ST6GALNAC3: variants seen among roughly 807,000 people sequenced by gnomAD.
ST6GALNAC3 encodes ST6 N-acetylgalactosaminide alpha-2,6-sialyltransferase 3, also known as alpha-N-acetylgalactosaminide alpha-2,6-sialyltransferase 3.
ST6GALNAC3 carries 25 observed loss-of-function variants against 32.7 expected under a neutral mutation model. The ratio of observed to expected loss-of-function variants is 0.76; its 90% CI spans 0.56 to 1.07. The LOEUF (loss-of-function observed/expected upper bound fraction) is 1.07, where lower values mean the gene tolerates loss of function less well. Among genes scored for constraint, ST6GALNAC3 ranks in the 50% least tolerant of loss-of-function variants. ST6GALNAC3 has a pLI of 0.00. For missense variants in ST6GALNAC3, 355 were observed against 382.4 expected, an observed-to-expected ratio of 0.93 and a Z score of 0.60; for synonymous variants, 129 against 133.1, an observed-to-expected ratio of 0.97 and a Z score of 0.21.
intron 1 of ST6GALNAC3, among the ~76,000 whole-genome samples, chr1:76,098,635 A>AG (rs946815527): frequency 3.3e-5 from 5 of 151,962 alleles, no homozygotes; most frequent in African/African-American, 9.7e-5. Context: ...TTTACCTTTT[A>AG]GGGGGGTAGG....
intron 1 of ST6GALNAC3, among the ~76,000 whole-genome samples, chr1:76,084,689 T>C (rs796489836): frequency 6.6e-6 from 1 of 152,234 alleles, no homozygotes; most frequent in South Asian, 2.1e-4. Context: ...ATATGGCCAA[T>C]GGTGCTTAGA....
intron 3 of ST6GALNAC3, among the ~76,000 whole-genome samples, chr1:76,620,662 A>G (rs1042327537): frequency 6.6e-6 from 1 of 151,908 alleles, no homozygotes; most frequent in African/African-American, 2.4e-5. Flanking sequence ...TCATATGACA[A>G]CTCACCCTGC....
chr1:76,093,310 G>A (rs1035092985), intron 1 of ST6GALNAC3, among the ~76,000 whole-genome samples: 2 of 152,276 alleles, frequency 1.3e-5, no homozygotes, highest in South Asian at 2.1e-4. Flanking sequence ...TAATTACCAC[G>A]TACAATTTTA....
intron 3 of ST6GALNAC3, among the ~76,000 whole-genome samples, chr1:76,520,964 G>A (rs1430008257): frequency 6.7e-6 from 1 of 150,258 alleles, no homozygotes; most frequent in African/African-American, 2.4e-5. Context: ...TTATTATTTA[G>A]CCTACCTGAT....
At chr1:76,524,068 A>C (rs548322366) in intron 3 of ST6GALNAC3, among the ~76,000 whole-genome samples, 9 of 152,134 alleles carry the variant, frequency 5.9e-5, no homozygotes, top group Non-Finnish European at 8.8e-5. Flanking sequence ...ACCTTTAAAC[A>C]GATGATTTTT....
intron 1 of ST6GALNAC3, among the ~76,000 whole-genome samples, chr1:76,229,266 G>A (rs2100632051): frequency 1.3e-5 from 2 of 152,188 alleles, no homozygotes; most frequent in Middle Eastern, 3.4e-3. Flanking sequence ...GACCTCAAGT[G>A]GCCAGGACTT....
chr1:76,123,471 A>C (rs531920386), intron 1 of ST6GALNAC3, among the ~76,000 whole-genome samples: 1 of 151,658 alleles, frequency 6.6e-6, no homozygotes, highest in African/African-American at 2.4e-5. Flanking sequence ...TAAGAATGGG[A>C]AGAGTAGGAA....
At chr1:76,314,070 G>A in intron 2 of ST6GALNAC3, 71 bp downstream of exon 2, 1 of 1,456,966 alleles carries the variant, frequency 6.9e-7, no homozygotes, top group Non-Finnish European at 9.3e-7. Context: ...GGAGCCAGAG[G>A]GCTTCCAACT....
chr1:76,116,804 T>C (rs1164499475), intron 1 of ST6GALNAC3, among the ~76,000 whole-genome samples: 1 of 152,158 alleles, frequency 6.6e-6, no homozygotes, highest in Non-Finnish European at 1.5e-5. Context: ...TGGTGGCATG[T>C]GCCTGTAATC....
intron 1 of ST6GALNAC3, among the ~76,000 whole-genome samples, chr1:76,173,968 C>A (rs557563694): frequency 1.3e-5 from 2 of 152,264 alleles, no homozygotes; most frequent in Non-Finnish European, 2.9e-5. Context: ...CCATTTGACC[C>A]AGCAATCCCA....
chr1:76,188,204 A>G (rs1339674129), intron 1 of ST6GALNAC3, among the ~76,000 whole-genome samples: 1 of 152,152 alleles, frequency 6.6e-6, no homozygotes, highest in Non-Finnish European at 1.5e-5. Flanking sequence ...TCTACTAAAA[A>G]TACAAAAATT....
intron 1 of ST6GALNAC3, among the ~76,000 whole-genome samples, chr1:76,134,698 A>T (rs1649827453): frequency 6.6e-6 from 1 of 152,120 alleles, no homozygotes; most frequent in Non-Finnish European, 1.5e-5. Flanking sequence ...GAACTCCTGC[A>T]TGGGTAGTGT....
chr1:76,478,469 G>A (rs527743559), intron 3 of ST6GALNAC3, among the ~76,000 whole-genome samples: 1 of 152,186 alleles, frequency 6.6e-6, no homozygotes, highest in African/African-American at 2.4e-5. Flanking sequence ...TCCTGTGTTT[G>A]GTGTATCAGG....
chr1:76,302,650 T>C (rs924262869), intron 1 of ST6GALNAC3, among the ~76,000 whole-genome samples: 8 of 152,040 alleles, frequency 5.3e-5, no homozygotes, highest in Non-Finnish European at 8.8e-5. Flanking sequence ...AAGGGCTTTT[T>C]ATATGCGATA....
chr1:76,088,025 G>A (rs1146664), intron 1 of ST6GALNAC3, among the ~76,000 whole-genome samples: 34,500 of 152,094 alleles, frequency 0.23, 4,190 homozygotes, highest in Middle Eastern at 0.37. Flanking sequence ...CACCTGTGGG[G>A]TCATATTATT....
chr1:76,095,767 G>T (rs1480328046), intron 1 of ST6GALNAC3, among the ~76,000 whole-genome samples: 1 of 152,184 alleles, frequency 6.6e-6, no homozygotes, highest in East Asian at 1.9e-4. Context: ...TGTGGGAGGG[G>T]TTTATACACT....
At chr1:76,445,135 T>C (rs1277277811) in intron 3 of ST6GALNAC3, among the ~76,000 whole-genome samples, 2 of 152,208 alleles carry the variant, frequency 1.3e-5, no homozygotes, top group East Asian at 3.9e-4. Flanking sequence ...CTTCAGAGAC[T>C]ACTGAGAACC....
intron 2 of ST6GALNAC3, among the ~76,000 whole-genome samples, chr1:76,357,195 C>T (rs1369766689): frequency 2.2e-5 from 3 of 135,340 alleles, no homozygotes; most frequent in South Asian, 4.7e-4. Flanking sequence ...AGTGCAGTGG[C>T]ATAATCTCAA....
chr1:76,525,741 ATATATATGTG>A lies in ST6GALNAC3; in HGVS notation c.624-101697_624-101688del, dbSNP rs1472455785. Among the ~76,000 whole-genome samples the A allele has an allele frequency of 5.8e-5, 7 of 121,382 alleles. 1 individual carries two copies. Among genetic ancestry groups the A allele is most frequent in the Admixed American group, 7.9e-5 (1 of 12,592 alleles). 79.6% of individuals were successfully genotyped at this position (121,382 alleles called of 152,430 possible). A position where few individuals can be genotyped will look rare whatever the true frequency, so the allele number is the denominator to read the frequency against. On this transcript the variant is annotated intron_variant, in intron 3 of 4. Transcript: ENST00000328299. ...TATATATATGTGTGTGTATATGTAT[ATATATATGTG>A]TATATATGTGTATGTGTGTTTGTGT...
Sources: allele counts gnomAD v4.1 joint callset (sites outside exome capture counted in the v4.1 genomes callset), GRCh38; gene constraint gnomAD v4.1.1; transcripts MANE v1.5; gene names NCBI Gene and HGNC (gene_info 2026-07-23, HGNC 2026-07-21).